Variants in CACNB2 observed in about 807,000 individuals in gnomAD.
The protein encoded by CACNB2 is calcium voltage-gated channel auxiliary subunit beta 2.
In CACNB2, 42 loss-of-function variants were observed where a neutral mutation model predicts 73.3. That is an observed-to-expected ratio of 0.57 (90% CI 0.45 to 0.74). The LOEUF (loss-of-function observed/expected upper bound fraction) is 0.74. CACNB2 is among the 30% of genes least tolerant of loss of function. CACNB2 has a pLI of 0.00. For synonymous variants in CACNB2, 348 were observed against 310.3 expected (o/e 1.12, Z -1.28); for missense variants, 940 against 853.0 (o/e 1.10, Z -1.27).
intron 3 of CACNB2, among the ~76,000 whole-genome samples, chr10:18,404,090 C>A (rs75159173): frequency 6.6e-6 from 1 of 151,970 alleles, no homozygotes; most frequent in East Asian, 1.9e-4. Flanking sequence ...TCCCATGTAC[C>A]TCATAAATAT....
At chr10:18,180,794 A>G (rs1037962598) in intron 2 of CACNB2, among the ~76,000 whole-genome samples, 2 of 151,842 alleles carry the variant, frequency 1.3e-5, no homozygotes, top group South Asian at 2.1e-4. Flanking sequence ...GTGAAACCCC[A>G]TCTCTACTAA....
chr10:18,285,680 G>A (rs1715291765), intron 2 of CACNB2, among the ~76,000 whole-genome samples: 1 of 152,140 alleles, frequency 6.6e-6, no homozygotes, highest in South Asian at 2.1e-4. Context: ...TTGATAACTG[G>A]TACAAAATGT....
At chr10:18,524,619 C>T (rs894590050) in intron 9 of CACNB2, among the ~76,000 whole-genome samples, 1 of 143,350 alleles carries the variant, frequency 7.0e-6, no homozygotes, top group Non-Finnish European at 1.5e-5. Flanking sequence ...CACACCATTG[C>T]ATTCTAGCCT....
At chr10:18,400,891 C>G (rs2043959230) in intron 2 of CACNB2, 1 of 1,537,810 alleles carries the variant, frequency 6.5e-7, no homozygotes, top group East Asian at 2.4e-5. Flanking sequence ...GAGTGAAAGC[C>G]CCGGAGGCAG....
chr10:18,532,532 G>A (rs1242457036), intron 10 of CACNB2, among the ~76,000 whole-genome samples: 1 of 151,580 alleles, frequency 6.6e-6, no homozygotes, highest in East Asian at 1.9e-4. Context: ...ACATTAGCTG[G>A]GCCTGGTGGC....
intron 3 of CACNB2, among the ~76,000 whole-genome samples, chr10:18,425,776 G>T (rs1575836): frequency 0.89 from 135,834 of 152,286 alleles, 60,920 homozygotes; most frequent in African/African-American, 0.97. Flanking sequence ...TCTTTCATCT[G>T]TAATTCCTCG....
In CACNB2 at chr10:18,540,556, T is replaced by TGTAA. The variant is rs547804393; in HGVS notation, c.*839_*842dup. 1,001 of 152,684 alleles carry TGTAA rather than the reference T, an allele frequency of 6.6e-3. 4 individuals are homozygous for TGTAA. The highest frequency in any genetic ancestry group is 8.1e-3 in the Non-Finnish European group (552 of 68,020). 9.5% of individuals were successfully genotyped at this position (152,684 alleles called of 1,614,324 possible). On this transcript the variant is annotated 3_prime_UTR_variant, in exon 14 of 14. Transcript: ENST00000324631. ...TGAATTCTGAATGTTATACCATCCTTGTAAGTAAGTTTGTAATTTCCACCA... is the reference window on the plus strand; with the variant it reads ...TGAATTCTGAATGTTATACCATCCTTGTAAGTAAGTAAGTTTGTAATTTCCACCA...
chr10:18,150,870 T>TTTTTTTTTTTTTTC lies in CACNB2; in HGVS notation c.121-3_121-2insTTTCTTTTTTTTTT, dbSNP rs2031484206. ...TCTTATTTGTCTTTTTTTTTTTTTTTTTTTTTTTTTAGTCATATGGAAAAG... is the reference window on the plus strand; with the variant it reads ...TCTTATTTGTCTTTTTTTTTTTTTTTTTTTTTTTTTTTTCTTTTTTTTTTAGTCATATGGAAAAG... On this transcript the variant is annotated splice_polypyrimidine_tract_variant and intron_variant, in intron 1 of 13. Coordinates refer to ENST00000324631, the MANE Select transcript of CACNB2 (RefSeq NM_201596.3). The TTTTTTTTTTTTTTC allele has an allele frequency of 8.5e-7, 1 of 1,174,226 alleles. No individual in the cohort carries two copies. The highest frequency in any genetic ancestry group is 1.2e-6 in the Non-Finnish European group (1 of 864,350). 72.7% of individuals were successfully genotyped at this position (1,174,226 alleles called of 1,614,324 possible).
At chr10:18,262,301 G>A (rs1405697670) in intron 2 of CACNB2, among the ~76,000 whole-genome samples, 9 of 138,074 alleles carry the variant, frequency 6.5e-5, no homozygotes, top group Admixed American at 5.1e-4. Context: ...TAATAAAGTT[G>A]GAAATGGTGA....
chr10:18,328,143 C>T lies in CACNB2; in HGVS notation c.214-73781C>T, dbSNP rs181517023. Among the ~76,000 whole-genome samples, 86 of 152,160 alleles carry T rather than the reference C, an allele frequency of 5.7e-4. 1 individual carries two copies. Among genetic ancestry groups the T allele is most frequent in the Middle Eastern group, 6.8e-3 (2 of 294 alleles). The stretch of plus-strand genomic sequence containing the variant: ...TTTCGTGGTAGAAATTCAAGAGCTG[C>T]CAGAATTCAAGGGTCAAGACTGAAC... On this transcript the variant is annotated intron_variant, in intron 2 of 13. Coordinates refer to ENST00000324631, the MANE Select transcript of CACNB2 (RefSeq NM_201596.3).
At chr10:18,378,129 A>G (rs540366149) in intron 2 of CACNB2, among the ~76,000 whole-genome samples, 45 of 152,276 alleles carry the variant, frequency 3.0e-4, no homozygotes, top group African/African-American at 1.1e-3. Context: ...AGGAAACCTG[A>G]GAGGTTGAAT....
intron 2 of CACNB2, among the ~76,000 whole-genome samples, chr10:18,184,067 A>C (rs1461496051): frequency 1.3e-5 from 2 of 152,260 alleles, no homozygotes; most frequent in East Asian, 3.8e-4. Context: ...TCTTATTAAC[A>C]GAACTTGCTG....
chr10:18,426,019 A>G (rs2045582044), intron 3 of CACNB2, among the ~76,000 whole-genome samples: 1 of 152,242 alleles, frequency 6.6e-6, no homozygotes, highest in Non-Finnish European at 1.5e-5. Context: ...AAAGATTGAT[A>G]GAGTTTGGAC....
chr10:18,225,534 T>G (rs910745895), intron 2 of CACNB2, among the ~76,000 whole-genome samples: 3 of 150,894 alleles, frequency 2.0e-5, no homozygotes, highest in African/African-American at 4.9e-5. Context: ...TTTCTTTTCT[T>G]TTTCTTTCTT....
chr10:18,379,235 A>T (rs933509955), intron 2 of CACNB2, among the ~76,000 whole-genome samples: 8 of 152,046 alleles, frequency 5.3e-5, no homozygotes, highest in African/African-American at 1.9e-4. Flanking sequence ...TTGTTTTGAG[A>T]CAGGGGTCTC....
At chr10:18,417,084 C>G (rs1179829647) in intron 3 of CACNB2, among the ~76,000 whole-genome samples, 1 of 149,244 alleles carries the variant, frequency 6.7e-6, no homozygotes, top group East Asian at 2.0e-4. Flanking sequence ...CTCTTTGTTT[C>G]ATGCTCTAGA....
intron 7 of CACNB2, 65 bp downstream of exon 7, chr10:18,514,434 C>T: frequency 6.2e-7 from 1 of 1,613,618 alleles, no homozygotes; most frequent in East Asian, 2.2e-5. Context: ...ATTTCTAGTC[C>T]TGTTGACTGT....
chr10:18,340,780 C>T (rs1412063154), intron 2 of CACNB2: 2 of 1,574,028 alleles, frequency 1.3e-6, no homozygotes, highest in East Asian at 4.5e-5. Context: ...ACTAAGACTA[C>T]ACACCCCAAG....
At chr10:18,395,185 A>C (rs2043658320) in intron 2 of CACNB2, among the ~76,000 whole-genome samples, 1 of 152,218 alleles carries the variant, frequency 6.6e-6, no homozygotes, top group South Asian at 2.1e-4. Flanking sequence ...TGTTAGATAC[A>C]CTGACCTCTT....
Sources: gnomAD v4.1 joint callset for allele counts (sites outside exome capture counted in the v4.1 genomes callset) on GRCh38, gnomAD v4.1.1 for gene constraint, MANE v1.5 for transcripts, NCBI Gene and HGNC (gene_info 2026-07-23, HGNC 2026-07-21) for gene names.